ANO5: variants seen among roughly 807,000 people sequenced by gnomAD.
ANO5 encodes anoctamin 5.
A neutral mutation model predicts 121.0 loss-of-function variants in ANO5; 109 were observed. The observed-to-expected ratio is 0.90, with a 90% confidence interval of 0.77 to 1.06. ANO5 has a LOEUF of 1.06. Among genes scored for constraint, ANO5 ranks in the 50% least tolerant of loss-of-function variants. ANO5 has a pLI of 0.00. For missense variants in ANO5, 1,064 were observed against 1,078.5 expected, an observed-to-expected ratio of 0.99 and a Z score of 0.19; for synonymous variants, 406 against 359.9, an observed-to-expected ratio of 1.13 and a Z score of -1.45.
In ANO5 at chr11:22,239,638, G is replaced by A; in HGVS notation, c.832G>A (p.Ala278Thr). The change falls in exon 9 of 22, where the codon GCT becomes ACT. Residue 278 changes from alanine (A) to threonine (T), a missense_variant. By Grantham distance (58) the Ala-to-Thr change is moderately conservative. Transcript: ENST00000324559. ...NERYTLHQNW[A>T]RFSYFYKEQP... ...AAGATACACACTTCACCAGAATTGG[G>A]CTCGATTTTCCTATTTCTACAAGGA... The A allele has an allele frequency of 6.2e-7, 1 of 1,612,738 alleles. No homozygotes were observed. Among genetic ancestry groups the A allele is most frequent in the Non-Finnish European group, 8.5e-7 (1 of 1,179,070 alleles).
intron 13 of ANO5, 54 bp from the exon 14 acceptor site, chr11:22,257,626 T>C (rs911846989): frequency 1.4e-6 from 2 of 1,432,378 alleles, no homozygotes; most frequent in African/African-American, 2.8e-5. Flanking sequence ...GTGCTTGGAG[T>C]CTTGACTTAG....
chr11:22,265,549 T>A (rs1854329680), intron 17 of ANO5, among the ~76,000 whole-genome samples: 1 of 152,092 alleles, frequency 6.6e-6, no homozygotes, highest in African/African-American at 2.4e-5. Context: ...ATGAAATTAT[T>A]TGGTAGACTC....
chr11:22,253,241 G>A (rs1687871200), intron 12 of ANO5, among the ~76,000 whole-genome samples: 2 of 151,946 alleles, frequency 1.3e-5, no homozygotes, highest in South Asian at 2.1e-4. Context: ...AATCACAAAA[G>A]TCCGTAGAAA....
At chr11:22,277,341 T>C (rs946583084) in intron 21 of ANO5, among the ~76,000 whole-genome samples, 8 of 151,670 alleles carry the variant, frequency 5.3e-5, no homozygotes, top group Admixed American at 1.3e-4. Flanking sequence ...GATCTAATTC[T>C]GCCTTTATTA....
chr11:22,223,807 A>G lies in ANO5; in HGVS notation c.295-2177A>G, dbSNP rs1327815977. Among the ~76,000 whole-genome samples the G allele has an allele frequency of 2.0e-5, 3 of 151,862 alleles. No individual in the cohort carries two copies. The East Asian group carries it at 5.8e-4, about 29-fold the overall frequency. ...TCTTCCATGAATAACTAGGCTGTTAATTTTTCTATATTAAAAAGGTATGAA... is the reference window on the plus strand; with the variant it reads ...TCTTCCATGAATAACTAGGCTGTTAGTTTTTCTATATTAAAAAGGTATGAA... On this transcript the variant is annotated intron_variant, in intron 5 of 21. Transcript: ENST00000324559.
chr11:22,254,317 C>A (rs1853920933), intron 12 of ANO5, among the ~76,000 whole-genome samples: 1 of 152,064 alleles, frequency 6.6e-6, no homozygotes, highest in Non-Finnish European at 1.5e-5. Context: ...AAAGTTGAAT[C>A]TTTTATAGAT....
At chr11:22,277,001 C>T (rs1269862154) in intron 21 of ANO5, among the ~76,000 whole-genome samples, 1 of 151,476 alleles carries the variant, frequency 6.6e-6, no homozygotes, top group African/African-American at 2.4e-5. Context: ...AAAGAGCAAT[C>T]GTACATAATA....
At chr11:22,200,502 A>C (rs1851934226) in intron 1 of ANO5, among the ~76,000 whole-genome samples, 2 of 152,260 alleles carry the variant, frequency 1.3e-5, no homozygotes, top group South Asian at 4.1e-4. Flanking sequence ...CAGGGTCAAG[A>C]TTTTATAAAC....
At chr11:22,211,842 A>G (rs1044524938) in intron 3 of ANO5, among the ~76,000 whole-genome samples, 2 of 151,942 alleles carry the variant, frequency 1.3e-5, no homozygotes, top group African/African-American at 4.8e-5. Context: ...AAGATGGGGA[A>G]ATAGAGTTAT....
intron 7 of ANO5, among the ~76,000 whole-genome samples, chr11:22,233,880 C>T (rs1853126229): frequency 6.6e-6 from 1 of 152,068 alleles, no homozygotes; most frequent in Non-Finnish European, 1.5e-5. Context: ...AAAACTGTTG[C>T]CATGGCCTTT....
In ANO5 at chr11:22,228,159, C is replaced by T. The variant is rs368800504; in HGVS notation, c.648+573C>T. Among the ~76,000 whole-genome samples, 19 of 152,062 alleles carry T rather than the reference C, an allele frequency of 1.2e-4. No homozygotes were observed. In the South Asian group the frequency reaches 2.5e-3, roughly 20 times the overall value. Reference sequence around the variant, plus strand: ...GAATCATGGTTTTGTGCCACTGTTTCTTTGTGCTTAGACTGGAATAATATC... The same window carrying T: ...GAATCATGGTTTTGTGCCACTGTTTTTTTGTGCTTAGACTGGAATAATATC... On this transcript the variant is annotated intron_variant, in intron 7 of 21. Transcript: ENST00000324559.
At chr11:22,278,579 G>T (rs1854956917) in intron 21 of ANO5, among the ~76,000 whole-genome samples, 1 of 146,598 alleles carries the variant, frequency 6.8e-6, no homozygotes, top group African/African-American at 2.5e-5. Flanking sequence ...CATATTTGGT[G>T]GTTCTGCTCA....
chr11:22,278,760 C>CTATTTTGTAA (rs1854964133), intron 21 of ANO5, among the ~76,000 whole-genome samples: 2 of 151,686 alleles, frequency 1.3e-5, no homozygotes, highest in African/African-American at 4.8e-5. Flanking sequence ...AGTTATTTTT[C>CTATTTTGTAA]CCAGAGAAAG....
intron 17 of ANO5, among the ~76,000 whole-genome samples, chr11:22,269,531 GA>G (rs1465591059): frequency 6.0e-5 from 7 of 117,486 alleles, no homozygotes; most frequent in East Asian, 2.5e-4. Flanking sequence ...AGGAAGGAAA[GA>G]AAAAAAGAAA....
chr11:22,255,330 CTTTTTTAAT>C, intron 12 of ANO5, 32 bp from the exon 13 acceptor site: 1 of 1,483,750 alleles, frequency 6.7e-7, no homozygotes, highest in East Asian at 2.5e-5. Context: ...AAGTTTTTAA[CTTTTTTAAT>C]ATCTTTTTTT....
Position 22,211,415 on chromosome 11 carries a change from A to G in ANO5, c.138+101A>G, listed in dbSNP as rs1852272419. On this transcript the variant is annotated intron_variant, in intron 3 of 21. Coordinates refer to ENST00000324559, the MANE Select transcript of ANO5 (RefSeq NM_213599.3). ...CTCTTTTCCAGTTCAGTTATTTGAC[A>G]TGCTCTCATACATGGTATTTGAGAA... 17 of 1,315,300 alleles carry G rather than the reference A, an allele frequency of 1.3e-5. No individual in the cohort carries two copies. The Admixed American group carries it at 1.3e-4, about 10-fold the overall frequency. The allele number at this position is 1,315,300 out of a possible 1,614,324, so 81.5% of individuals were successfully genotyped here.
intron 5 of ANO5, among the ~76,000 whole-genome samples, chr11:22,222,210 CA>C (rs1268344764): frequency 1.3e-5 from 2 of 151,974 alleles, no homozygotes; most frequent in Non-Finnish European, 2.9e-5. Context: ...TAAATCTCAT[CA>C]GATTTATTAT....
intron 1 of ANO5, among the ~76,000 whole-genome samples, chr11:22,201,971 A>G (rs1487810980): frequency 6.6e-6 from 1 of 152,082 alleles, no homozygotes; most frequent in Non-Finnish European, 1.5e-5. Flanking sequence ...GGAGAATGGA[A>G]CTGAAAGAAG....
At chr11:22,216,267 A>G (rs1015106789) in intron 3 of ANO5, among the ~76,000 whole-genome samples, 4 of 151,864 alleles carry the variant, frequency 2.6e-5, no homozygotes, top group African/African-American at 4.8e-5. Flanking sequence ...CTGTCACACT[A>G]TTTTTAAAAG....
Sources: allele counts gnomAD v4.1 joint callset (sites outside exome capture counted in the v4.1 genomes callset), GRCh38; gene constraint gnomAD v4.1.1; transcripts MANE v1.5; gene names NCBI Gene and HGNC (gene_info 2026-07-23, HGNC 2026-07-21).